Variants in ORC4 observed in about 807,000 individuals in gnomAD.
ORC4 encodes origin recognition complex subunit 4.
ORC4 carries 55 observed loss-of-function variants against 63.9 expected under a neutral mutation model. The ratio of observed to expected loss-of-function variants is 0.86; its 90% CI spans 0.69 to 1.08. The LOEUF (loss-of-function observed/expected upper bound fraction) is 1.08. Ranked by LOEUF, ORC4 falls within the 50% of genes least tolerant of loss-of-function variation. The pLI is 0.00. For missense variants in ORC4, 511 were observed against 504.4 expected, an observed-to-expected ratio of 1.01 and a Z score of -0.13; for synonymous variants, 150 against 168.5, an observed-to-expected ratio of 0.89 and a Z score of 0.85.
intron 4 of ORC4, among the ~76,000 whole-genome samples, chr2:147,966,767 C>A (rs547328627): frequency 2.4e-4 from 36 of 152,178 alleles, no homozygotes; most frequent in East Asian, 1.5e-3. Flanking sequence ...CTGAATTCTA[C>A]TAAACCCTTA....
chr2:147,952,505 G>A lies in ORC4; in HGVS notation c.456C>T (p.Cys152=), dbSNP rs754670369. The change falls in exon 8 of 14, where the codon TGC becomes TGT. Residue 152 remains cysteine (C), a synonymous_variant. Transcript: ENST00000392857. The part of the protein sequence containing the change: ...ALKKGDRTSS[C]PVIFILDEFD... ...ATTCATCTAATATGAAGATCACTGG[G>A]CAACTGCTAGTTCGGTCACCTAAGA... 6.2e-7 allele frequency: 1 copy of A among 1,610,460 alleles called. No homozygotes were observed. The highest frequency in any genetic ancestry group is 1.1e-5 in the South Asian group (1 of 90,992).
At chr2:147,958,896 T>C (rs928512729) in intron 4 of ORC4, 30 bp from the exon 5 acceptor site, 6 of 900,808 alleles carry the variant, frequency 6.7e-6, no homozygotes, top group East Asian at 2.6e-5. Context: ...GAAATAATAA[T>C]AGGTAAAAGA....
At position 147,933,779 on chromosome 2, in the gene ORC4, T is replaced by G. The variant is rs1687900049; in HGVS notation, c.*1731A>C. On this transcript the variant is annotated 3_prime_UTR_variant, in exon 14 of 14. Transcript: ENST00000392857. Reference sequence around the variant, plus strand: ...AATAGTGATGTTACCATGTCAAGTATTTTGGTGAAATATCCCCTAAAAATG... The same window carrying G: ...AATAGTGATGTTACCATGTCAAGTAGTTTGGTGAAATATCCCCTAAAAATG... 6.6e-6 allele frequency: 1 copy of G among 152,162 alleles called. No individual in the cohort carries two copies. The highest frequency in any genetic ancestry group is 6.6e-5 in the Admixed American group (1 of 15,250). 9.4% of individuals were successfully genotyped at this position (152,162 alleles called of 1,614,324 possible).
chr2:147,964,550 C>T lies in ORC4; in HGVS notation c.226-5684G>A, dbSNP rs574246180. Among the ~76,000 whole-genome samples, 14 of 152,256 alleles carry T rather than the reference C, an allele frequency of 9.2e-5. No homozygotes were observed. In the South Asian group the frequency reaches 2.9e-3, roughly 32 times the overall value. On this transcript the variant is annotated intron_variant, in intron 4 of 13. Coordinates refer to ENST00000392857, the MANE Select transcript of ORC4 (RefSeq NM_181741.4). The stretch of plus-strand genomic sequence containing the variant: ...AATAAAACCATAGTTGAAAACTTCC[C>T]AGTTCTTGAGAGAGGAATGGACATC...
intron 11 of ORC4, 49 bp from the exon 12 acceptor site, chr2:147,938,442 G>A: frequency 9.7e-7 from 1 of 1,030,392 alleles, no homozygotes; most frequent in Admixed American, 1.7e-5. Flanking sequence ...ATATAAGACT[G>A]AAATAACTGT....
At chr2:147,961,768 G>A (rs775570203) in intron 4 of ORC4, among the ~76,000 whole-genome samples, 4 of 152,072 alleles carry the variant, frequency 2.6e-5, no homozygotes, top group Non-Finnish European at 5.9e-5. Context: ...CTGTCAGTGT[G>A]GCCAAGAATA....
intron 1 of ORC4, among the ~76,000 whole-genome samples, chr2:148,004,976 A>G (rs938112291): frequency 1.3e-5 from 2 of 152,226 alleles, no homozygotes; most frequent in African/African-American, 4.8e-5. Flanking sequence ...AATTAGTTAA[A>G]CCATTGTGGA....
chr2:147,954,102 T>G (rs911863343), intron 7 of ORC4, among the ~76,000 whole-genome samples: 2 of 151,696 alleles, frequency 1.3e-5, no homozygotes, highest in African/African-American at 4.8e-5. Context: ...AATGTTTTTA[T>G]AATCTGAAGG....
At chr2:147,995,137 C>T (rs1010631879) in intron 1 of ORC4, among the ~76,000 whole-genome samples, 1 of 151,454 alleles carries the variant, frequency 6.6e-6, no homozygotes, top group African/African-American at 2.4e-5. Flanking sequence ...CACCAATCAG[C>T]ACTCTGTAAA....
intron 1 of ORC4, among the ~76,000 whole-genome samples, chr2:148,004,115 C>G (rs192645838): frequency 2.0e-5 from 3 of 152,194 alleles, no homozygotes; most frequent in Admixed American, 2.0e-4. Context: ...AGAGAGGACA[C>G]AAACAAATGG....
At chr2:148,009,863 A>C (rs1692843226) in intron 1 of ORC4, among the ~76,000 whole-genome samples, 1 of 152,214 alleles carries the variant, frequency 6.6e-6, no homozygotes. Context: ...ACAAGGCCCT[A>C]CTACCTGCTA....
intron 1 of ORC4, among the ~76,000 whole-genome samples, chr2:147,999,610 G>T (rs964078374): frequency 6.6e-6 from 1 of 152,044 alleles, no homozygotes; most frequent in Non-Finnish European, 1.5e-5. Flanking sequence ...TCCCACTTGA[G>T]AATCACTGAC....
chr2:147,938,252 A>C, intron 12 of ORC4, 39 bp from the exon 13 acceptor site: 4 of 1,592,540 alleles, frequency 2.5e-6, no homozygotes, highest in Middle Eastern at 1.7e-4. Context: ...CCTTCAAATA[A>C]GCAGTGGGGA....
intron 1 of ORC4, among the ~76,000 whole-genome samples, chr2:148,015,824 A>G (rs1390702195): frequency 6.6e-6 from 1 of 152,168 alleles, no homozygotes; most frequent in African/African-American, 2.4e-5. Context: ...CAATATCAAC[A>G]ATGCATTTGG....
intron 8 of ORC4, chr2:147,951,487 G>A (rs1167004034): frequency 1.3e-5 from 2 of 152,134 alleles, no homozygotes; most frequent in East Asian, 3.9e-4. Context: ...TAGTTCTTGA[G>A]ACAGTGAGTT....
chr2:147,983,548 C>G (rs1322162558), intron 1 of ORC4, among the ~76,000 whole-genome samples: 1 of 152,164 alleles, frequency 6.6e-6, no homozygotes, highest in East Asian at 1.9e-4. Context: ...TCATAGGGAC[C>G]TTTAAGGTTC....
chr2:147,991,825 G>A (rs1029176521), intron 1 of ORC4, among the ~76,000 whole-genome samples: 5 of 152,032 alleles, frequency 3.3e-5, no homozygotes, highest in African/African-American at 4.8e-5. Flanking sequence ...GCAAGACTCC[G>A]TCTCACAAAA....
At chr2:147,946,820 T>A (rs1250188295) in intron 9 of ORC4, among the ~76,000 whole-genome samples, 1 of 152,020 alleles carries the variant, frequency 6.6e-6, no homozygotes, top group Non-Finnish European at 1.5e-5. Flanking sequence ...ATATTTAGCA[T>A]GTATATAAAC....
At position 147,938,397 on chromosome 2, in the gene ORC4, C is replaced by T. The variant is rs750941282; in HGVS notation, c.959-4G>A. Reference sequence around the variant, plus strand: ...CAGATTTCCAAGACTGATAGACCTACAGTAAAAGGGAAAAAAAACTATCAG... The same window carrying T: ...CAGATTTCCAAGACTGATAGACCTATAGTAAAAGGGAAAAAAAACTATCAG... On this transcript the variant is annotated splice_region_variant and splice_polypyrimidine_tract_variant and intron_variant, in intron 11 of 13. Coordinates refer to ENST00000392857, the MANE Select transcript of ORC4 (RefSeq NM_181741.4). 3.3e-6 allele frequency: 5 copies of T among 1,528,036 alleles called. No homozygotes were observed. Among genetic ancestry groups the T allele is most frequent in the Non-Finnish European group, 2.7e-6 (3 of 1,103,766 alleles). 94.7% of individuals were successfully genotyped at this position (1,528,036 alleles called of 1,614,324 possible). A position where few individuals can be genotyped will look rare whatever the true frequency, so the allele number is the denominator to read the frequency against.
Sources: allele counts gnomAD v4.1 joint callset (sites outside exome capture counted in the v4.1 genomes callset), GRCh38; gene constraint gnomAD v4.1.1; transcripts MANE v1.5; gene names NCBI Gene and HGNC (gene_info 2026-07-23, HGNC 2026-07-21).